UCHL5: variants seen among roughly 807,000 people sequenced by gnomAD.
UCHL5 encodes ubiquitin C-terminal hydrolase L5.
A neutral mutation model predicts 53.8 loss-of-function variants in UCHL5; 34 were observed. The observed-to-expected ratio is 0.63, with a 90% CI of 0.48 to 0.84. The LOEUF is 0.84. Among genes scored for constraint, UCHL5 ranks in the 40% least tolerant of loss-of-function variants. The pLI is 0.00. For synonymous variants in UCHL5, 111 were observed against 126.3 expected, an observed-to-expected ratio of 0.88 and a Z score of 0.81; for missense variants, 290 against 385.6, an observed-to-expected ratio of 0.75 and a Z score of 2.08.
At chr1:193,056,057 C>A (rs1168661552) in intron 1 of UCHL5, among the ~76,000 whole-genome samples, 1 of 152,140 alleles carries the variant, frequency 6.6e-6, no homozygotes, top group Non-Finnish European at 1.5e-5. Context: ...ATTTCCATTT[C>A]TTTAATAAAC....
At chr1:193,054,950 T>C (rs1670153691) in intron 1 of UCHL5, among the ~76,000 whole-genome samples, 1 of 152,176 alleles carries the variant, frequency 6.6e-6, no homozygotes, top group Non-Finnish European at 1.5e-5. Context: ...AGAGGAAATG[T>C]CAATACAAAA....
upstream of UCHL5, chr1:193,059,821 C>A: frequency 7.4e-7 from 1 of 1,357,676 alleles, no homozygotes; most frequent in Non-Finnish European, 9.8e-7. The surrounding 1 kb of genome is among the most constrained non-coding windows in gnomAD (Gnocchi z 4.9). Flanking sequence ...TTGTGCGGCC[C>A]CAGGGACGCG....
intron 10 of UCHL5, among the ~76,000 whole-genome samples, chr1:193,016,940 T>G (rs1655077902): frequency 6.6e-6 from 1 of 151,826 alleles, no homozygotes; most frequent in African/African-American, 2.4e-5. Context: ...ATTATATAGC[T>G]TGAACACAGT....
chr1:193,051,567 T>A (rs940928667), intron 2 of UCHL5, among the ~76,000 whole-genome samples, 187 bp downstream of exon 2: 1 of 151,190 alleles, frequency 6.6e-6, no homozygotes, highest in Non-Finnish European at 1.5e-5. Context: ...AAGTTACCTA[T>A]CAGCCTCAGG....
intron 7 of UCHL5, among the ~76,000 whole-genome samples, chr1:193,026,720 C>T (rs994109113): frequency 6.6e-6 from 1 of 151,868 alleles, no homozygotes; most frequent in African/African-American, 2.4e-5. Flanking sequence ...TATCCATTTA[C>T]CATGCAACCC....
chr1:193,038,665 C>CA lies in UCHL5; in HGVS notation c.247-9009dup, dbSNP rs528902250. ...AATCTTAGAAAAACCTAAAGACCAC[C>CA]AAAAAACTCTTGGAACTGATAAACG... On this transcript the variant is annotated intron_variant, in intron 3 of 10. Transcript: ENST00000367454. Among the ~76,000 whole-genome samples the CA allele has an allele frequency of 3.8e-4, 58 of 152,120 alleles. 1 individual carries two copies. Among genetic ancestry groups the CA allele is most frequent in the Admixed American group, 3.1e-3 (47 of 15,294 alleles).
At chr1:193,029,151 G>A (rs772870707) in intron 6 of UCHL5, 28 bp downstream of exon 6, 1 of 1,599,928 alleles carries the variant, frequency 6.3e-7, no homozygotes, top group Non-Finnish European at 8.5e-7. Context: ...TGTCAAAAGT[G>A]AAATATCAGG....
intron 7 of UCHL5, among the ~76,000 whole-genome samples, chr1:193,024,671 A>C (rs182974476): frequency 6.6e-6 from 1 of 151,100 alleles, no homozygotes. Context: ...CACTACTCTG[A>C]TATCAATGAA....
At chr1:193,020,210 A>C (rs988271510) in intron 10 of UCHL5, 5 of 1,392,614 alleles carry the variant, frequency 3.6e-6, no homozygotes, top group Middle Eastern at 5.4e-4. Flanking sequence ...TTATTAGCTC[A>C]CATCTCATAT....
At chr1:193,020,230 T>C (rs933553652) in intron 10 of UCHL5, 3 of 1,433,920 alleles carry the variant, frequency 2.1e-6, no homozygotes, top group East Asian at 2.6e-5. Context: ...TTATTTAGAA[T>C]GTATAACATG....
intron 3 of UCHL5, among the ~76,000 whole-genome samples, chr1:193,040,716 A>G (rs1248677020): frequency 6.6e-6 from 1 of 152,108 alleles, no homozygotes; most frequent in African/African-American, 2.4e-5. Flanking sequence ...GGCACTATTA[A>G]TAATAGCCAA....
Position 193,029,513 on chromosome 1 carries a change from A to T in UCHL5, c.372+19T>A. 6.2e-7 allele frequency: 1 copy of T among 1,612,882 alleles called. No homozygotes were observed. Among genetic ancestry groups the T allele is most frequent in the Non-Finnish European group, 8.5e-7 (1 of 1,179,582 alleles). ...CTTTCACAAATATGACATTTTAGGA[A>T]TAAGAAGATTGTACTCACAGCTGCA... On this transcript the variant is annotated intron_variant, in intron 4 of 10. Coordinates refer to ENST00000367454, the MANE Select transcript of UCHL5 (RefSeq NM_001199261.3).
At chr1:193,028,055 T>G in intron 7 of UCHL5, 30 bp downstream of exon 7, 1 of 1,597,468 alleles carries the variant, frequency 6.3e-7, no homozygotes, top group South Asian at 1.1e-5. Context: ...AAACAGAATA[T>G]TATGCCAATG....
chr1:193,036,777 T>C (rs1334793083), intron 3 of UCHL5, among the ~76,000 whole-genome samples: 1 of 151,988 alleles, frequency 6.6e-6, no homozygotes, highest in Non-Finnish European at 1.5e-5. Flanking sequence ...CTGAATAATA[T>C]GATTTATAGT....
At chr1:193,053,636 G>A (rs1008279766) in intron 1 of UCHL5, among the ~76,000 whole-genome samples, 2 of 152,134 alleles carry the variant, frequency 1.3e-5, no homozygotes, top group African/African-American at 4.8e-5. Flanking sequence ...CTTGCACCAT[G>A]CATATATAAA....
In UCHL5 at chr1:193,029,661, TA is replaced by T. The variant is rs750820591; in HGVS notation, c.247-5del. 2 of 1,582,646 alleles carry T rather than the reference TA, an allele frequency of 1.3e-6. No individual in the cohort carries two copies. Among genetic ancestry groups the T allele is most frequent in the East Asian group, 2.3e-5 (1 of 44,260 alleles). On this transcript the variant is annotated splice_region_variant and splice_polypyrimidine_tract_variant and intron_variant, in intron 3 of 10. Coordinates refer to ENST00000367454, the MANE Select transcript of UCHL5 (RefSeq NM_001199261.3). ...TAGCACAAGCATTATTAATTACCTATAAAATATAAAAGTGAAGATATCAATG... is the reference window on the plus strand; with the variant it reads ...TAGCACAAGCATTATTAATTACCTATAAATATAAAAGTGAAGATATCAATG...
intron 3 of UCHL5, among the ~76,000 whole-genome samples, chr1:193,048,285 G>A (rs896479661): frequency 4.2e-4 from 64 of 152,196 alleles, no homozygotes; most frequent in African/African-American, 1.4e-3. Context: ...GATAAAATTT[G>A]AATTTTCAAG....
chr1:193,026,515 C>A (rs1659295127), intron 7 of UCHL5, among the ~76,000 whole-genome samples: 1 of 152,134 alleles, frequency 6.6e-6, no homozygotes, highest in Admixed American at 6.6e-5. Context: ...CATTAGTCAT[C>A]AGGGAAATGC....
intron 1 of UCHL5, among the ~76,000 whole-genome samples, chr1:193,052,860 A>ATT (rs1379421689): frequency 6.6e-6 from 1 of 152,148 alleles, no homozygotes; most frequent in Non-Finnish European, 1.5e-5. Flanking sequence ...AACCTAATTA[A>ATT]AACCCACATC....
Sources: gnomAD v4.1 joint callset for allele counts (sites outside exome capture counted in the v4.1 genomes callset) on GRCh38, gnomAD v4.1.1 for gene constraint, Gnocchi (gnomAD v3.1) non-coding constraint, MANE v1.5 for transcripts, NCBI Gene and HGNC (gene_info 2026-07-23, HGNC 2026-07-21) for gene names.